Variants in BCR observed in about 807,000 individuals in gnomAD.
The protein encoded by BCR is breakpoint cluster region protein.
A neutral mutation model predicts 138.6 loss-of-function variants in BCR; 58 were observed. That is an observed-to-expected ratio of 0.42 (90% confidence interval 0.34 to 0.52). The LOEUF is 0.52. Ranked by LOEUF, BCR falls within the 20% of genes least tolerant of loss-of-function variation. BCR has a pLI of 0.06. For synonymous variants in BCR, 786 were observed against 730.1 expected, an observed-to-expected ratio of 1.08 and a Z score of -1.23; for missense variants, 1,599 against 1,727.2, an observed-to-expected ratio of 0.93 and a Z score of 1.32.
chr22:23,187,527 T>G, intron 1 of BCR, among the ~76,000 whole-genome samples: 1 of 150,770 alleles, frequency 6.6e-6, no homozygotes, highest in Non-Finnish European at 1.5e-5. Context: ...AGAGATTGGA[T>G]CTCCCTATGT....
chr22:23,207,920 G>A (rs558759509), intron 1 of BCR, among the ~76,000 whole-genome samples: 68 of 152,306 alleles, frequency 4.5e-4, no homozygotes, highest in African/African-American at 1.6e-3. Context: ...CCCCGTGTGT[G>A]CCTGTGACAC....
At chr22:23,291,774 C>T (rs192812167) in intron 14 of BCR, among the ~76,000 whole-genome samples, 3 of 152,268 alleles carry the variant, frequency 2.0e-5, no homozygotes, top group East Asian at 1.9e-4. Flanking sequence ...AGCCAGAAAC[C>T]GTGGTCTGCT....
intron 1 of BCR, among the ~76,000 whole-genome samples, chr22:23,182,637 G>A (rs2072286707): frequency 6.6e-6 from 1 of 152,194 alleles, no homozygotes; most frequent in Non-Finnish European, 1.5e-5. Context: ...CGCCCACATC[G>A]GATGCTGTTA....
intron 9 of BCR, among the ~76,000 whole-genome samples, chr22:23,284,751 C>T (rs1408211510): frequency 1.3e-5 from 2 of 152,184 alleles, no homozygotes; most frequent in Non-Finnish European, 2.9e-5. Context: ...CCTTGATGTG[C>T]TCCCACATGA....
At chr22:23,311,612 C>T (rs1460710785) in intron 18 of BCR, 85 bp from the exon 19 acceptor site, 23 of 1,236,532 alleles carry the variant, frequency 1.9e-5, no homozygotes, top group African/African-American at 2.9e-5. Flanking sequence ...ACCCCACCTC[C>T]GGGTGTGCAG....
chr22:23,198,948 G>A (rs2071435), intron 1 of BCR, among the ~76,000 whole-genome samples: 5 of 151,744 alleles, frequency 3.3e-5, no homozygotes, highest in Non-Finnish European at 5.9e-5. Flanking sequence ...GGCGAAACCC[G>A]GTCTCTATTA....
At chr22:23,269,891 A>C (rs554953205) in intron 5 of BCR, among the ~76,000 whole-genome samples, 66 of 152,262 alleles carry the variant, frequency 4.3e-4, no homozygotes, top group African/African-American at 1.5e-3. Context: ...AGGAAACACC[A>C]TGGGACGCCA....
chr22:23,203,529 T>C (rs1206654001), intron 1 of BCR, among the ~76,000 whole-genome samples: 1 of 152,194 alleles, frequency 6.6e-6, no homozygotes, highest in African/African-American at 2.4e-5. Flanking sequence ...TAGACTGGGC[T>C]CCACGGTAAT....
chr22:23,231,755 A>G (rs1055629603), intron 1 of BCR, among the ~76,000 whole-genome samples: 3 of 152,124 alleles, frequency 2.0e-5, no homozygotes, highest in Non-Finnish European at 4.4e-5. Flanking sequence ...AGGCTCATGG[A>G]GCAAATGGGC....
chr22:23,315,778 C>CA lies in BCR; in HGVS notation c.*256_*257insA, dbSNP rs2074065718. 6.7e-6 allele frequency: 4 copies of CA among 593,312 alleles called. No individual in the cohort carries two copies. Among genetic ancestry groups the CA allele is most frequent in the Non-Finnish European group, 1.3e-5 (4 of 318,554 alleles). 36.8% of individuals were successfully genotyped at this position (593,312 alleles called of 1,614,324 possible). A position where few individuals can be genotyped will look rare whatever the true frequency, so the allele number is the denominator to read the frequency against. On this transcript the variant is annotated 3_prime_UTR_variant, in exon 23 of 23. Coordinates refer to ENST00000305877, the MANE Select transcript of BCR (RefSeq NM_004327.4). The stretch of plus-strand genomic sequence containing the variant: ...GAGGGCGCCCCAAGCCAGTTCATCT[C>CA]GGAGTCCAGGCCTGGCCCTGGGAGA...
At chr22:23,224,423 C>G (rs1428441918) in intron 1 of BCR, among the ~76,000 whole-genome samples, 1 of 152,194 alleles carries the variant, frequency 6.6e-6, no homozygotes, top group East Asian at 1.9e-4. Flanking sequence ...TGCCGCCTTG[C>G]TCTGAGCCAT....
intron 1 of BCR, among the ~76,000 whole-genome samples, chr22:23,207,209 C>T (rs907407738): frequency 6.6e-6 from 1 of 152,072 alleles, no homozygotes; most frequent in Non-Finnish European, 1.5e-5. Context: ...AACCCATAGA[C>T]ATATATTAAA....
chr22:23,247,750 G>A (rs531170830), intron 1 of BCR, among the ~76,000 whole-genome samples: 1 of 152,298 alleles, frequency 6.6e-6, no homozygotes, highest in South Asian at 2.1e-4. Context: ...GGAGCCCACC[G>A]TTCCACCTTC....
At chr22:23,202,721 TTG>T (rs58577462) in intron 1 of BCR, among the ~76,000 whole-genome samples, 183 of 142,804 alleles carry the variant, frequency 1.3e-3, no homozygotes, top group Non-Finnish European at 2.0e-3. Flanking sequence ...ATTCAATTGT[TTG>T]TGTGTGTGTG....
At chr22:23,289,675 G>T (rs2073761837) in intron 13 of BCR, 54 bp downstream of exon 13, 2 of 1,470,356 alleles carry the variant, frequency 1.4e-6, no homozygotes, top group Non-Finnish European at 1.9e-6. Context: ...CAGGCAGCTA[G>T]CCTGAAGGCT....
intron 1 of BCR, among the ~76,000 whole-genome samples, chr22:23,237,167 A>G (rs560219696): frequency 3.3e-5 from 5 of 152,180 alleles, no homozygotes; most frequent in African/African-American, 1.2e-4. Flanking sequence ...TCTCTGCAGA[A>G]CTCACTTTTC....
At chr22:23,292,396 G>A in intron 14 of BCR, 145 bp from the exon 15 acceptor site, 2 of 610,024 alleles carry the variant, frequency 3.3e-6, no homozygotes, top group Non-Finnish European at 5.7e-6. Flanking sequence ...ACCACAATTA[G>A]GTGTTTAATT....
At chr22:23,290,494 G>A (rs2073773613) in intron 14 of BCR, 81 bp downstream of exon 14, 1 of 1,407,540 alleles carries the variant, frequency 7.1e-7, no homozygotes, top group Non-Finnish European at 1.0e-6. Context: ...GCAGGGTGTG[G>A]GGAAACAGGG....
chr22:23,235,380 T>C (rs2073011913), intron 1 of BCR, among the ~76,000 whole-genome samples: 1 of 144,794 alleles, frequency 6.9e-6, no homozygotes, highest in South Asian at 2.3e-4. Context: ...ATGCCCGGCC[T>C]TCTCCAAGTT....
Sources: allele counts gnomAD v4.1 joint callset (sites outside exome capture counted in the v4.1 genomes callset), GRCh38; gene constraint gnomAD v4.1.1; transcripts MANE v1.5; gene names NCBI Gene and HGNC (gene_info 2026-07-23, HGNC 2026-07-21).